The following ARL5A variants were observed in gnomAD, a reference collection of about 807,000 sequenced individuals.
The protein encoded by ARL5A is ADP-ribosylation factor-like protein 5A.
A neutral mutation model predicts 25.9 loss-of-function variants in ARL5A; 18 were observed. The ratio of observed to expected loss-of-function variants is 0.69; its 90% CI spans 0.48 to 1.03. The LOEUF (loss-of-function observed/expected upper bound fraction) is 1.03, where lower values mean the gene tolerates loss of function less well. Among genes scored for constraint, ARL5A ranks in the 50% least tolerant of loss-of-function variants. The pLI, the probability that ARL5A is intolerant of heterozygous loss-of-function variation, is 0.00. For missense variants in ARL5A, 170 were observed against 211.9 expected (o/e 0.80, Z 1.23); for synonymous variants, 61 against 67.5 (o/e 0.90, Z 0.47).
chr2:151,828,204 G>C lies in ARL5A; in HGVS notation c.-28C>G, dbSNP rs1249624855. 3.8e-6 allele frequency: 6 copies of C among 1,597,284 alleles called. No homozygotes were observed. In the African/African-American group the frequency reaches 5.4e-5, roughly 14 times the overall value. Reference sequence around the variant, plus strand: ...TCGGGCAGCGGACCCCCCCCCTCCAGACACCCGGGCCGCCTGGCTTCCCCC... The same window carrying C: ...TCGGGCAGCGGACCCCCCCCCTCCACACACCCGGGCCGCCTGGCTTCCCCC... On this transcript the variant is annotated 5_prime_UTR_variant, in exon 1 of 6. Coordinates refer to ENST00000295087, the MANE Select transcript of ARL5A (RefSeq NM_012097.4).
At chr2:151,811,080 A>G (rs1400922931) in intron 4 of ARL5A, among the ~76,000 whole-genome samples, 1 of 152,190 alleles carries the variant, frequency 6.6e-6, no homozygotes, top group African/African-American at 2.4e-5. Flanking sequence ...AGGAGGTTTA[A>G]ACACAGCTGC....
chr2:151,826,625 T>C (rs1487748334), intron 1 of ARL5A, among the ~76,000 whole-genome samples: 1 of 152,240 alleles, frequency 6.6e-6, no homozygotes, highest in African/African-American at 2.4e-5. Context: ...AAAACTAGAA[T>C]AGATCTTATC....
At chr2:151,813,595 T>A (rs1277854842) in intron 3 of ARL5A, among the ~76,000 whole-genome samples, 1 of 152,218 alleles carries the variant, frequency 6.6e-6, no homozygotes, top group Non-Finnish European at 1.5e-5. Flanking sequence ...CCATGCTTTA[T>A]TAACTTGTAA....
At chr2:151,825,256 G>C (rs936703656) in intron 1 of ARL5A, among the ~76,000 whole-genome samples, 1 of 152,138 alleles carries the variant, frequency 6.6e-6, no homozygotes, top group African/African-American at 2.4e-5. Flanking sequence ...AAGTTCTAAA[G>C]ACAACTTAGA....
At position 151,828,395 on chromosome 2, in the gene ARL5A, C is replaced by G. The variant is rs982586332; in HGVS notation, c.-219G>C. ...CTGCCGCCGCGGCACTCGCCTGGCT[C>G]GCGGACATCGCCGCCGCGTTGTCTG... On this transcript the variant is annotated 5_prime_UTR_variant, in exon 1 of 6. Coordinates refer to ENST00000295087, the MANE Select transcript of ARL5A (RefSeq NM_012097.4). 8 of 402,052 alleles carry G rather than the reference C, an allele frequency of 2.0e-5. No homozygotes were observed. The highest frequency in any genetic ancestry group is 1.1e-4 in the African/African-American group (5 of 47,382). 24.9% of individuals were successfully genotyped at this position (402,052 alleles called of 1,614,324 possible). A position where few individuals can be genotyped will look rare whatever the true frequency, so the allele number is the denominator to read the frequency against.
chr2:151,824,509 C>T (rs200669916), intron 1 of ARL5A, among the ~76,000 whole-genome samples: 2 of 138,140 alleles, frequency 1.4e-5, no homozygotes, highest in African/African-American at 5.9e-5. Context: ...ATAATAACAA[C>T]AATAATAAGC....
In ARL5A at chr2:151,800,455, T is replaced by A. The variant is rs1193574594; in HGVS notation, c.*2821A>T. ...CTCTTCTTCCCTCTATTTCATCCCA[T>A]GCTTCTAAAGTCACTTTCACTGCCT... On this transcript the variant is annotated 3_prime_UTR_variant, in exon 6 of 6. Transcript: ENST00000295087. The A allele has an allele frequency of 2.0e-5, 3 of 152,234 alleles. No homozygotes were observed. In the East Asian group the frequency reaches 5.8e-4, roughly 29 times the overall value. 9.4% of individuals were successfully genotyped at this position (152,234 alleles called of 1,614,324 possible). A position where few individuals can be genotyped will look rare whatever the true frequency, so the allele number is the denominator to read the frequency against.
At chr2:151,808,278 T>A (rs1316279966) in intron 4 of ARL5A, among the ~76,000 whole-genome samples, 1 of 152,216 alleles carries the variant, frequency 6.6e-6, no homozygotes, top group Non-Finnish European at 1.5e-5. Flanking sequence ...TTGAATGGCA[T>A]TTGTCTTCTT....
chr2:151,811,499 AAATTT>A (rs2099830838), intron 4 of ARL5A, among the ~76,000 whole-genome samples: 1 of 152,062 alleles, frequency 6.6e-6, no homozygotes, highest in Admixed American at 6.5e-5. Context: ...TCAGTTTTTT[AAATTT>A]ATGTTACCGT....
intron 2 of ARL5A, 42 bp from the exon 3 acceptor site, chr2:151,814,358 C>T (rs780495308): frequency 6.3e-6 from 9 of 1,438,390 alleles, no homozygotes; most frequent in Non-Finnish European, 7.3e-6. Flanking sequence ...AGCAAGGAAG[C>T]TAACTTGCTT....
chr2:151,803,213 C>T lies in ARL5A; in HGVS notation c.*63G>A. 5.8e-6 allele frequency: 7 copies of T among 1,213,698 alleles called. No homozygotes were observed. Among genetic ancestry groups the T allele is most frequent in the Non-Finnish European group, 7.1e-6 (6 of 841,868 alleles). The allele number at this position is 1,213,698 out of a possible 1,614,324, so 75.2% of individuals were successfully genotyped here. A position where few individuals can be genotyped will look rare whatever the true frequency, so the allele number is the denominator to read the frequency against. Reference sequence around the variant, plus strand: ...AATATATCTAAACCATTAATTTTTGCAGCTTTCAGGTAAAGTCCAGCACTT... The same window carrying T: ...AATATATCTAAACCATTAATTTTTGTAGCTTTCAGGTAAAGTCCAGCACTT... On this transcript the variant is annotated 3_prime_UTR_variant, in exon 6 of 6. Coordinates refer to ENST00000295087, the MANE Select transcript of ARL5A (RefSeq NM_012097.4).
rs71410438 is a variant in ARL5A, at chr2:151,820,660, C to CAAAAAAA, written c.47-5468_47-5462dup. 9.5e-4 allele frequency among the ~76,000 whole-genome samples: 43 copies of CAAAAAAA among 45,046 alleles called. 3 individuals are homozygous for CAAAAAAA. Among genetic ancestry groups the CAAAAAAA allele is most frequent in the African/African-American group, 2.3e-3 (23 of 9,858 alleles). The allele number at this position is 45,046 out of a possible 152,430, so 29.6% of individuals were successfully genotyped here. A position where few individuals can be genotyped will look rare whatever the true frequency, so the allele number is the denominator to read the frequency against. ...GGGCGACAGAGTGAGATCCTGTCTC[C>CAAAAAAA]AAAAAAAAAAAAAAAAAAAAAAAAA... On this transcript the variant is annotated intron_variant, in intron 1 of 5. Coordinates refer to ENST00000295087, the MANE Select transcript of ARL5A (RefSeq NM_012097.4).
chr2:151,819,303 T>C (rs2099831934), intron 1 of ARL5A, among the ~76,000 whole-genome samples: 1 of 152,246 alleles, frequency 6.6e-6, no homozygotes, highest in South Asian at 2.1e-4. Flanking sequence ...GGTTCTTTTA[T>C]AATTGCTTTC....
intron 1 of ARL5A, among the ~76,000 whole-genome samples, chr2:151,816,216 C>T (rs1308878114): frequency 6.6e-6 from 1 of 152,124 alleles, no homozygotes; most frequent in Non-Finnish European, 1.5e-5. Flanking sequence ...ATGAGTAAGC[C>T]CAAGTTGATC....
rs141448150 is a variant in ARL5A at position 151,801,877 on chromosome 2, T to A, written c.*1399A>T. 1 of 152,066 alleles carries A rather than the reference T, an allele frequency of 6.6e-6. No individual in the cohort carries two copies. The highest frequency in any genetic ancestry group is 2.4e-5 in the African/African-American group (1 of 41,432). The allele number at this position is 152,066 out of a possible 1,614,324, so 9.4% of individuals were successfully genotyped here. On this transcript the variant is annotated 3_prime_UTR_variant, in exon 6 of 6. Coordinates refer to ENST00000295087, the MANE Select transcript of ARL5A (RefSeq NM_012097.4). ...TACATAAATAGAGTACCCAAGAATA[T>A]GTTTTAACACATTTAGGATAAGTTT...
Position 151,817,021 on chromosome 2 carries a change from A to G in ARL5A, c.47-1822T>C, listed in dbSNP as rs539262397. Among the ~76,000 whole-genome samples the G allele has an allele frequency of 5.9e-5, 9 of 152,328 alleles. No individual in the cohort carries two copies. The East Asian group carries it at 1.7e-3, about 29-fold the overall frequency. On this transcript the variant is annotated intron_variant, in intron 1 of 5. Transcript: ENST00000295087. ...ACTTAAGTTACTTTCAACTTACAAC[A>G]AGTTTATTGGCACATAACTACATCA... is the stretch of plus-strand genomic sequence containing the variant.
intron 5 of ARL5A, among the ~76,000 whole-genome samples, chr2:151,806,075 G>C (rs571986199): frequency 4.1e-4 from 63 of 152,268 alleles, no homozygotes; most frequent in African/African-American, 1.4e-3. Context: ...CTGACAAACT[G>C]GTTGAATGTA....
chr2:151,811,461 G>A (rs890289004), intron 4 of ARL5A, among the ~76,000 whole-genome samples: 12 of 151,642 alleles, frequency 7.9e-5, no homozygotes, highest in African/African-American at 2.9e-4. Context: ...ACAGTATAAT[G>A]TTATAGTTAT....
chr2:151,819,752 G>GA (rs202101269), intron 1 of ARL5A, among the ~76,000 whole-genome samples: 5,473 of 130,280 alleles, frequency 0.042, 271 homozygotes, highest in African/African-American at 0.11. Context: ...AAAAACTACT[G>GA]AAAAAAAAAA....
Sources: allele counts gnomAD v4.1 joint callset (sites outside exome capture counted in the v4.1 genomes callset), GRCh38; gene constraint gnomAD v4.1.1; transcripts MANE v1.5; gene names NCBI Gene and HGNC (gene_info 2026-07-23, HGNC 2026-07-21).